The following ANKRD11 variants were observed in gnomAD, a reference collection of about 807,000 sequenced individuals.
ANKRD11 encodes the protein ankyrin repeat domain-containing protein 11.
In ANKRD11, 17 loss-of-function variants were observed where a neutral mutation model predicts 195.7. That is an observed-to-expected ratio of 0.09 (90% confidence interval 0.06 to 0.13). The LOEUF is 0.13. Ranked by LOEUF, ANKRD11 falls within the 10% of genes least tolerant of loss-of-function variation. The pLI is 1.00. For synonymous variants in ANKRD11, 1,953 were observed against 1,528.1 expected, an observed-to-expected ratio of 1.28 and a Z score of -6.49; for missense variants, 3,735 against 3,566.1, an observed-to-expected ratio of 1.05 and a Z score of -1.21.
At chr16:89,451,382 T>C (rs1428263760) in intron 1 of ANKRD11, among the ~76,000 whole-genome samples, 1 of 151,510 alleles carries the variant, frequency 6.6e-6, no homozygotes, top group Non-Finnish European at 1.5e-5. Flanking sequence ...TTTTCTAAAA[T>C]TGGATTATGG....
chr16:89,268,429 C>CT lies in ANKRD11; in HGVS notation c.*48dup. 1 of 847,822 alleles carries CT rather than the reference C, an allele frequency of 1.2e-6. No individual in the cohort carries two copies. The highest frequency in any genetic ancestry group is 2.7e-5 in the East Asian group (1 of 36,562). 52.5% of individuals were successfully genotyped at this position (847,822 alleles called of 1,614,324 possible). On this transcript the variant is annotated 3_prime_UTR_variant, in exon 13 of 13. Coordinates refer to ENST00000301030, the MANE Select transcript of ANKRD11 (RefSeq NM_013275.6). ...CCGCCCCTGGGGCTCAGCAGCAGTC[C>CT]TGGGCAGCCGTGCGGCCCTCGCCTG...
At chr16:89,440,865 G>A (rs1158147976) in intron 1 of ANKRD11, among the ~76,000 whole-genome samples, 3 of 152,266 alleles carry the variant, frequency 2.0e-5, no homozygotes, top group Non-Finnish European at 2.9e-5. Context: ...ATGCGTGTGA[G>A]TGCGCATGAA....
chr16:89,313,399 G>C (rs753538697), intron 3 of ANKRD11: 1 of 1,288,652 alleles, frequency 7.8e-7, no homozygotes, highest in South Asian at 1.2e-5. Flanking sequence ...TTCCGTGGTC[G>C]GCAATGGTGA....
chr16:89,450,903 T>C (rs968750317), intron 1 of ANKRD11, among the ~76,000 whole-genome samples: 1 of 152,190 alleles, frequency 6.6e-6, no homozygotes, highest in African/African-American at 2.4e-5. Flanking sequence ...AATGACCACG[T>C]GGCCCAATCC....
intron 2 of ANKRD11, chr16:89,324,233 C>A (rs1567647248): frequency 8.3e-7 from 1 of 1,202,038 alleles, no homozygotes; most frequent in East Asian, 5.9e-5. Flanking sequence ...CTTTGCCCCT[C>A]AGACACATGC....
At chr16:89,313,254 G>C in intron 3 of ANKRD11, 1 of 1,258,110 alleles carries the variant, frequency 7.9e-7, no homozygotes, top group Non-Finnish European at 1.0e-6. Flanking sequence ...ACTGTGCCAT[G>C]GGGTGGGGAC....
At chr16:89,292,430 G>GT (rs1393673281) in intron 4 of ANKRD11, among the ~76,000 whole-genome samples, 1 of 152,178 alleles carries the variant, frequency 6.6e-6, no homozygotes, top group Non-Finnish European at 1.5e-5. Flanking sequence ...CATGGTCCCC[G>GT]TGAATGTGCC....
chr16:89,287,351 G>A (rs1181969354), intron 7 of ANKRD11: 1 of 297,284 alleles, frequency 3.4e-6, no homozygotes, highest in South Asian at 3.1e-5. Context: ...ATCTCCCCAT[G>A]TGAGGCACTC....
At chr16:89,286,445 G>A (rs939976270) in intron 7 of ANKRD11, 1 of 602,242 alleles carries the variant, frequency 1.7e-6, no homozygotes, top group Non-Finnish European at 2.8e-6. Context: ...CCTTCAGAAG[G>A]GCTCTGCCTC....
intron 2 of ANKRD11, among the ~76,000 whole-genome samples, chr16:89,332,991 A>C (rs1175706069): frequency 6.6e-6 from 1 of 152,208 alleles, no homozygotes; most frequent in Non-Finnish European, 1.5e-5. Flanking sequence ...CCATTTTCCC[A>C]TCCTGTGCAC....
chr16:89,309,847 GC>G (rs1480906997), intron 3 of ANKRD11, among the ~76,000 whole-genome samples: 1 of 152,090 alleles, frequency 6.6e-6, no homozygotes, highest in East Asian at 1.9e-4. Context: ...CTCCTGTAAG[GC>G]CCCACTATGC....
At chr16:89,386,703 A>C (rs2040927402) in intron 2 of ANKRD11, among the ~76,000 whole-genome samples, 1 of 152,248 alleles carries the variant, frequency 6.6e-6, no homozygotes, top group South Asian at 2.1e-4. Flanking sequence ...AGACACGCTT[A>C]TAAGCTACTC....
chr16:89,267,703 G>A lies in ANKRD11; in HGVS notation c.*775C>T, dbSNP rs2151656692. ...CAGTACATAAGTTATTTACAACTGTGCAGTAATGTGTTGCAAAATAAATTA... is the reference window on the plus strand; with the variant it reads ...CAGTACATAAGTTATTTACAACTGTACAGTAATGTGTTGCAAAATAAATTA... On this transcript the variant is annotated 3_prime_UTR_variant, in exon 13 of 13. Coordinates refer to ENST00000301030, the MANE Select transcript of ANKRD11 (RefSeq NM_013275.6). 6.6e-6 allele frequency: 1 copy of A among 152,482 alleles called. No individual in the cohort carries two copies. The allele number at this position is 152,482 out of a possible 1,614,324, so 9.4% of individuals were successfully genotyped here. A position where few individuals can be genotyped will look rare whatever the true frequency, so the allele number is the denominator to read the frequency against.
intron 1 of ANKRD11, among the ~76,000 whole-genome samples, chr16:89,478,525 C>T (rs1265640849): frequency 1.3e-5 from 2 of 152,118 alleles, no homozygotes; most frequent in African/African-American, 4.8e-5. Flanking sequence ...GACCCACTGC[C>T]CTCCAAAAAA....
In ANKRD11 at chr16:89,283,047, C is replaced by T. The variant is rs112888268; in HGVS notation, c.3495G>A (p.Arg1165=). Residue 1165 remains arginine, a synonymous_variant, in exon 9 of 13, where the codon AGG becomes AGA. Transcript: ENST00000301030. This position sits in a 1 kb window ranked among gnomAD's most constrained non-coding sequence, Gnocchi z 4.3. Reference sequence around the variant, plus strand: ...CAGGGTGCTGCTTGTCAGAAGACTTCCTGTGTCTGTCGGAGGCATAGGCCT... The same window carrying T: ...CAGGGTGCTGCTTGTCAGAAGACTTTCTGTGTCTGTCGGAGGCATAGGCCT... ...GREAYASDRH[R]KSSDKQHPER... The T allele has an allele frequency of 2.3e-5, 37 of 1,613,934 alleles. No individual in the cohort carries two copies. The African/African-American group carries it at 4.1e-4, about 18-fold the overall frequency.
At chr16:89,431,024 A>C (rs538348048) in intron 1 of ANKRD11, among the ~76,000 whole-genome samples, 9 of 152,108 alleles carry the variant, frequency 5.9e-5, no homozygotes, top group Non-Finnish European at 1.2e-4. Flanking sequence ...CCTAAGACCA[A>C]GGCGCTGCTG....
Position 89,283,910 on chromosome 16 carries a change from A to C in ANKRD11, c.2632T>G (p.Leu878Val), listed in dbSNP as rs373074600. Residue 878 changes from leucine to valine, a missense_variant, in exon 9 of 13, where the codon TTG becomes GTG. Physicochemically the swap from Leu to Val is conservative, Grantham distance 32 (BLOSUM62 1). Coordinates refer to ENST00000301030, the MANE Select transcript of ANKRD11 (RefSeq NM_013275.6). The surrounding 1 kb of genome is among the most constrained non-coding windows in gnomAD (Gnocchi z 4.3). ...MKSDSVAKLI[L>V]ETVKEDSKER... ...TTGCTGTCCTCCTTCACCGTCTCCAAGATGAGCTTGGCCACAGAGTCGCTC... is the reference window on the plus strand; with the variant it reads ...TTGCTGTCCTCCTTCACCGTCTCCACGATGAGCTTGGCCACAGAGTCGCTC... 1 of 1,614,152 alleles carries C rather than the reference A, an allele frequency of 6.2e-7. No individual in the cohort carries two copies. Among genetic ancestry groups the C allele is most frequent in the Non-Finnish European group, 8.5e-7 (1 of 1,180,036 alleles).
chr16:89,289,909 G>A (rs1223322875), intron 6 of ANKRD11, among the ~76,000 whole-genome samples: 1 of 152,190 alleles, frequency 6.6e-6, no homozygotes, highest in African/African-American at 2.4e-5. Context: ...GCATGGTGGC[G>A]TGCGCCTGCA....
rs1420675351 is a variant in ANKRD11, at chr16:89,268,435, AGCCGTGCGGCCCTCGCCTGCGTCCTGCG to A, written c.*15_*42del. 1 of 872,362 alleles carries A rather than the reference AGCCGTGCGGCCCTCGCCTGCGTCCTGCG, an allele frequency of 1.1e-6. No homozygotes were observed. Among genetic ancestry groups the A allele is most frequent in the African/African-American group, 2.0e-5 (1 of 50,876 alleles). 54.0% of individuals were successfully genotyped at this position (872,362 alleles called of 1,614,324 possible). A position where few individuals can be genotyped will look rare whatever the true frequency, so the allele number is the denominator to read the frequency against. ...CTGGGGCTCAGCAGCAGTCCTGGGC[AGCCGTGCGGCCCTCGCCTGCGTCCTGCG>A]GCCGTCCCGCGGTGTCATGCCGGCA... On this transcript the variant is annotated 3_prime_UTR_variant, in exon 13 of 13. Transcript: ENST00000301030.
Sources: allele counts gnomAD v4.1 joint callset (sites outside exome capture counted in the v4.1 genomes callset), GRCh38; gene constraint gnomAD v4.1.1; non-coding constraint Gnocchi (gnomAD v3.1); transcripts MANE v1.5; gene names NCBI Gene and HGNC (gene_info 2026-07-23, HGNC 2026-07-21).